Variants in IL1RAPL1 observed in about 807,000 individuals in gnomAD.
IL1RAPL1 encodes interleukin 1 receptor accessory protein like 1, also known as interleukin-1 receptor accessory protein-like 1.
IL1RAPL1 carries 3 observed loss-of-function variants against 48.4 expected under a neutral mutation model. The observed-to-expected ratio is 0.06, with a 90% CI of 0.03 to 0.16. IL1RAPL1 has a LOEUF of 0.16. IL1RAPL1 is among the 10% of genes least tolerant of loss of function. The pLI is 1.00. For synonymous variants in IL1RAPL1, 185 were observed against 187.7 expected (o/e 0.99, Z 0.12); for missense variants, 349 against 530.6 (o/e 0.66, Z 3.36).
At chrX:29,620,182 C>A (rs1446716497) in intron 5 of IL1RAPL1, among the ~76,000 whole-genome samples, 2 of 111,726 alleles carry the variant, frequency 1.8e-5, no homozygotes, top group Non-Finnish European at 3.8e-5. Flanking sequence ...CAGAGCTACA[C>A]CTCCAATAAA....
intron 1 of IL1RAPL1, among the ~76,000 whole-genome samples, chrX:28,780,357 G>GTA (rs1315965943): frequency 1.1e-5 from 1 of 93,947 alleles, no homozygotes; most frequent in African/African-American, 4.3e-5. Flanking sequence ...GTGTGTGTGT[G>GTA]TGTGTGTGTC....
intron 2 of IL1RAPL1, among the ~76,000 whole-genome samples, chrX:29,108,831 A>G (rs1020110325): frequency 6.3e-5 from 7 of 111,885 alleles, no homozygotes; most frequent in Non-Finnish European, 3.8e-5. Context: ...TTGAGCTTCA[A>G]TGACGCTGAA....
At chrX:29,025,301 TGG>T (rs1926460058) in intron 2 of IL1RAPL1, among the ~76,000 whole-genome samples, 1 of 112,189 alleles carries the variant, frequency 8.9e-6, no homozygotes. Flanking sequence ...TCATTTTTCT[TGG>T]GCGTGTAACT....
chrX:29,175,265 T>A (rs1432516105), intron 2 of IL1RAPL1, among the ~76,000 whole-genome samples: 1 of 111,261 alleles, frequency 9.0e-6, no homozygotes, highest in Non-Finnish European at 1.9e-5. Flanking sequence ...TCACTACTTA[T>A]TTATGTTTTG....
At chrX:28,849,473 A>G (rs1921602045) in intron 2 of IL1RAPL1, among the ~76,000 whole-genome samples, 1 of 112,196 alleles carries the variant, frequency 8.9e-6, no homozygotes, top group Non-Finnish European at 1.9e-5. Context: ...ATACTTTAAA[A>G]GTGCCATGTA....
chrX:29,112,171 C>T (rs942305107), intron 2 of IL1RAPL1, among the ~76,000 whole-genome samples: 3 of 111,020 alleles, frequency 2.7e-5, no homozygotes, highest in Non-Finnish European at 3.8e-5. Flanking sequence ...AGTGATCCGC[C>T]TGCCTCGGCC....
intron 6 of IL1RAPL1, among the ~76,000 whole-genome samples, chrX:29,882,401 G>T (rs1390472355): frequency 9.0e-6 from 1 of 111,546 alleles, no homozygotes; most frequent in Non-Finnish European, 1.9e-5. Flanking sequence ...TTATTTAATT[G>T]CTCTCAGTTT....
At chrX:29,422,508 T>G (rs1376575564) in intron 5 of IL1RAPL1, among the ~76,000 whole-genome samples, 1 of 111,965 alleles carries the variant, frequency 8.9e-6, no homozygotes, top group Non-Finnish European at 1.9e-5. Flanking sequence ...CTATTCTGAT[T>G]TTAGCAGATT....
At chrX:29,584,281 C>G (rs1190290646) in intron 5 of IL1RAPL1, among the ~76,000 whole-genome samples, 1 of 111,508 alleles carries the variant, frequency 9.0e-6, no homozygotes, top group Admixed American at 9.6e-5. Flanking sequence ...CATCAATTTT[C>G]TCTTCTCTAC....
chrX:28,616,842 A>G (rs1934225675), intron 1 of IL1RAPL1, among the ~76,000 whole-genome samples: 1 of 112,698 alleles, frequency 8.9e-6, no homozygotes, highest in African/African-American at 3.2e-5. Context: ...TGTAAATTAA[A>G]CAATTGCAGC....
At position 28,947,902 on chromosome X, in the gene IL1RAPL1, T is replaced by C. The variant is rs183411808; in HGVS notation, c.82+158477T>C. ...TTATGCTAAAAATTCAAGGATGTGA[T>C]AGGCTTTAGAAATGGAAAAATCGTG... On this transcript the variant is annotated intron_variant, in intron 2 of 10. Coordinates refer to ENST00000378993, the MANE Select transcript of IL1RAPL1 (RefSeq NM_014271.4). 6.5e-4 allele frequency among the ~76,000 whole-genome samples: 73 copies of C among 111,555 alleles called. No homozygotes were observed. In the Middle Eastern group the frequency reaches 0.014, roughly 21 times the overall value.
intron 1 of IL1RAPL1, among the ~76,000 whole-genome samples, chrX:28,694,510 G>A (rs999333162): frequency 8.9e-6 from 1 of 111,825 alleles, no homozygotes; most frequent in African/African-American, 3.2e-5. Flanking sequence ...GTGTGAACTG[G>A]GGAGCTTTTA....
intron 2 of IL1RAPL1, among the ~76,000 whole-genome samples, chrX:29,255,242 TTTC>T (rs1407979192): frequency 1.8e-5 from 2 of 108,956 alleles, no homozygotes; most frequent in Non-Finnish European, 3.8e-5. Flanking sequence ...ATTCTATATT[TTTC>T]TTGTTTTATG....
chrX:29,851,450 C>G (rs16988794), intron 6 of IL1RAPL1, among the ~76,000 whole-genome samples: 3,539 of 111,862 alleles, frequency 0.032, 131 homozygotes, highest in African/African-American at 0.11. Flanking sequence ...AACTCAATTT[C>G]CAGAAGGCCA....
intron 6 of IL1RAPL1, among the ~76,000 whole-genome samples, chrX:29,739,903 A>T (rs1928152778): frequency 9.1e-6 from 1 of 109,458 alleles, no homozygotes; most frequent in Non-Finnish European, 1.9e-5. Flanking sequence ...TACTAAAAAT[A>T]CAAAAAATTA....
chrX:28,648,068 A>G (rs1934635937), intron 1 of IL1RAPL1, among the ~76,000 whole-genome samples: 2 of 111,512 alleles, frequency 1.8e-5, no homozygotes, highest in Non-Finnish European at 3.8e-5. Flanking sequence ...TACTCTCCAC[A>G]TTCCAGCCAC....
intron 8 of IL1RAPL1, among the ~76,000 whole-genome samples, chrX:29,921,805 A>G (rs1402244117): frequency 8.9e-6 from 1 of 111,820 alleles, no homozygotes; most frequent in East Asian, 2.8e-4. Flanking sequence ...TGTACTTTTA[A>G]TCACTCTTCC....
At chrX:29,416,872 A>G (rs1399740331) in intron 5 of IL1RAPL1, among the ~76,000 whole-genome samples, 2 of 111,468 alleles carry the variant, frequency 1.8e-5, no homozygotes, top group Admixed American at 9.6e-5. Flanking sequence ...AGGCATAGAC[A>G]AATTGGAGGA....
intron 2 of IL1RAPL1, among the ~76,000 whole-genome samples, chrX:28,930,137 C>T (rs1923839845): frequency 1.8e-5 from 2 of 111,981 alleles, no homozygotes; most frequent in Middle Eastern, 4.6e-3. Context: ...TAGCTTCTCC[C>T]GCATAGTATT....
Sources: allele counts gnomAD v4.1 joint callset (sites outside exome capture counted in the v4.1 genomes callset), GRCh38; gene constraint gnomAD v4.1.1; transcripts MANE v1.5; gene names NCBI Gene and HGNC (gene_info 2026-07-23, HGNC 2026-07-21).